The following WNK2 variants were observed in gnomAD, a reference collection of about 807,000 sequenced individuals.
WNK2 encodes WNK lysine deficient protein kinase 2, also known as serine/threonine-protein kinase WNK2.
WNK2 carries 67 observed loss-of-function variants against 192.1 expected under a neutral mutation model. The ratio of observed to expected loss-of-function variants is 0.35; its 90% CI spans 0.29 to 0.43. The LOEUF is 0.43. Ranked by LOEUF, WNK2 falls within the 20% of genes least tolerant of loss-of-function variation. The probability of loss-of-function intolerance (pLI) is 1.00; values close to 1 mark genes in which losing one functional copy is unlikely to be tolerated. For synonymous variants in WNK2, 1,439 were observed against 1,393.9 expected, an observed-to-expected ratio of 1.03 and a Z score of -0.72; for missense variants, 2,698 against 3,089.7, an observed-to-expected ratio of 0.87 and a Z score of 3.01.
intron 2 of WNK2, among the ~76,000 whole-genome samples, chr9:93,192,754 T>G (rs1830559860): frequency 6.6e-6 from 1 of 152,178 alleles, no homozygotes; most frequent in Non-Finnish European, 1.5e-5. Flanking sequence ...TAAAGACAAC[T>G]GTCCCTTCCC....
chr9:93,281,312 A>G (rs1435537988), intron 19 of WNK2, among the ~76,000 whole-genome samples: 1 of 152,162 alleles, frequency 6.6e-6, no homozygotes, highest in South Asian at 2.1e-4. Flanking sequence ...AAGTTTGCCT[A>G]CTGCATTAAA....
intron 28 of WNK2, among the ~76,000 whole-genome samples, chr9:93,312,885 C>T (rs1260387383): frequency 6.6e-6 from 1 of 152,204 alleles, no homozygotes; most frequent in Non-Finnish European, 1.5e-5. Flanking sequence ...TGGCTCTGTC[C>T]ACTCTGCCAC....
intron 26 of WNK2, among the ~76,000 whole-genome samples, chr9:93,302,174 A>G (rs1162168784): frequency 6.6e-6 from 1 of 152,234 alleles, no homozygotes; most frequent in East Asian, 1.9e-4. Context: ...GTCTGTGAGG[A>G]GACCAAGCAC....
intron 2 of WNK2, among the ~76,000 whole-genome samples, chr9:93,220,058 GT>G (rs935916450): frequency 1.1e-4 from 17 of 152,236 alleles, no homozygotes; most frequent in Non-Finnish European, 2.2e-4. Context: ...GGGAGTCTTG[GT>G]TGTTTAAAGT....
At chr9:93,318,747 C>A in intron 29 of WNK2, 1 of 1,427,004 alleles carries the variant, frequency 7.0e-7, no homozygotes, top group Non-Finnish European at 9.1e-7. Context: ...CAGCCCTAAG[C>A]CTGCTCTGCG....
rs1266766357 is a variant in WNK2, at chr9:93,314,316, T to C, written c.6517-3204T>C. Among the ~76,000 whole-genome samples the C allele has an allele frequency of 3.3e-5, 5 of 149,896 alleles. No homozygotes were observed. In the East Asian group the frequency reaches 7.8e-4, roughly 23 times the overall value. On this transcript the variant is annotated intron_variant, in intron 28 of 29. Transcript: ENST00000427277. ...ATAAAAAAACAGCTGGGCATGGTGG[T>C]GCATACCTATAGTTACAGCTACTAA...
At chr9:93,314,957 T>G (rs1402628591) in intron 28 of WNK2, among the ~76,000 whole-genome samples, 2 of 152,126 alleles carry the variant, frequency 1.3e-5, no homozygotes, top group African/African-American at 4.8e-5. Flanking sequence ...AGATGTTACA[T>G]TCCTTGTTAC....
intron 8 of WNK2, among the ~76,000 whole-genome samples, chr9:93,249,695 C>G (rs370746749): frequency 2.6e-3 from 401 of 151,788 alleles, no homozygotes; most frequent in African/African-American, 9.1e-3. Flanking sequence ...AGGATGGTCT[C>G]AATCTCCTGA....
At chr9:93,221,778 G>C (rs1039783001) in intron 2 of WNK2, among the ~76,000 whole-genome samples, 2 of 152,154 alleles carry the variant, frequency 1.3e-5, no homozygotes, top group African/African-American at 4.8e-5. Context: ...TCAGTGAGAG[G>C]CTTTCGGGAA....
chr9:93,306,673 C>A, intron 26 of WNK2, 104 bp from the exon 27 acceptor site: 1 of 1,413,182 alleles, frequency 7.1e-7, no homozygotes, highest in Non-Finnish European at 1.0e-6. Flanking sequence ...CTGTGTCTGC[C>A]CCTCCCTGCA....
At chr9:93,311,816 C>T (rs1289293052) in intron 28 of WNK2, among the ~76,000 whole-genome samples, 1 of 152,122 alleles carries the variant, frequency 6.6e-6, no homozygotes, top group Non-Finnish European at 1.5e-5. Flanking sequence ...GACGGGGTTT[C>T]ACCATGTTGG....
chr9:93,214,435 C>G (rs1835332980), intron 2 of WNK2, among the ~76,000 whole-genome samples: 1 of 152,074 alleles, frequency 6.6e-6, no homozygotes, highest in Non-Finnish European at 1.5e-5. Context: ...TCCCAAGTAG[C>G]TGGGATTACA....
intron 28 of WNK2, among the ~76,000 whole-genome samples, chr9:93,312,339 G>A (rs192835856): frequency 7.9e-5 from 12 of 152,050 alleles, no homozygotes; most frequent in East Asian, 7.7e-4. Context: ...TCTGGTTTTC[G>A]CTTTCACATT....
intron 2 of WNK2, among the ~76,000 whole-genome samples, chr9:93,220,419 A>G (rs1355089276): frequency 3.3e-5 from 5 of 152,052 alleles, no homozygotes; most frequent in East Asian, 3.9e-4. Flanking sequence ...GTTCTGGGCA[A>G]CTCTACCTGT....
At chr9:93,300,498 T>A (rs181470365) in intron 26 of WNK2, among the ~76,000 whole-genome samples, 2 of 152,334 alleles carry the variant, frequency 1.3e-5, no homozygotes, top group East Asian at 1.9e-4. Flanking sequence ...TTTTTTTTTT[T>A]ATGTTGGATG....
chr9:93,307,071 C>A lies in WNK2; in HGVS notation c.6259+250C>A. 5 of 561,416 alleles carry A rather than the reference C, an allele frequency of 8.9e-6. No individual in the cohort carries two copies. The South Asian group carries it at 1.1e-4, about 12-fold the overall frequency. The allele number at this position is 561,416 out of a possible 1,614,324, so 34.8% of individuals were successfully genotyped here. ...GCCAGTTCACATCTAACGGGCTTAT[C>A]CTTCCCCGGAACACCCGCAAATTGC... On this transcript the variant is annotated intron_variant, in intron 27 of 29. Transcript: ENST00000427277.
At position 93,263,979 on chromosome 9, in the gene WNK2, G is replaced by A. The variant is rs1397238608; in HGVS notation, c.3642G>A (p.Val1214=). Residue 1214 remains valine, a synonymous_variant, in exon 16 of 30, where the codon GTG becomes GTA. Coordinates refer to ENST00000427277, the MANE Select transcript of WNK2 (RefSeq NM_006648.4). ...CQLETHNHKM[V]TFKFDLDGDA... ...TGGAGACGCACAACCACAAGATGGT[G>A]ACCTTCAAGTTCGACTTGGACGGGG... The A allele has an allele frequency of 1.9e-6, 3 of 1,613,506 alleles. No homozygotes were observed. The African/African-American group carries it at 4.0e-5, about 22-fold the overall frequency.
chr9:93,251,855 C>T (rs539881158), intron 8 of WNK2, among the ~76,000 whole-genome samples: 1 of 152,184 alleles, frequency 6.6e-6, no homozygotes, highest in Non-Finnish European at 1.5e-5. Context: ...CATTAAAAAT[C>T]AGAGCTGCCT....
chr9:93,309,139 GT>G, intron 28 of WNK2: 1 of 984,990 alleles, frequency 1.0e-6, no homozygotes, highest in Non-Finnish European at 1.2e-6. Flanking sequence ...GGAGGGGTTT[GT>G]GGAAGACTGG....
Sources: gnomAD v4.1 joint callset for allele counts (sites outside exome capture counted in the v4.1 genomes callset) on GRCh38, gnomAD v4.1.1 for gene constraint, MANE v1.5 for transcripts, NCBI Gene and HGNC (gene_info 2026-07-23, HGNC 2026-07-21) for gene names.